Variants in CACNA1H observed in about 807,000 individuals in gnomAD.
CACNA1H encodes calcium voltage-gated channel subunit alpha1 H.
CACNA1H carries 149 observed loss-of-function variants against 192.5 expected under a neutral mutation model. The observed-to-expected ratio is 0.77, with a 90% CI of 0.68 to 0.89. The LOEUF (loss-of-function observed/expected upper bound fraction) is 0.89, where lower values mean the gene tolerates loss of function less well. CACNA1H is among the 40% of genes least tolerant of loss of function. The pLI is 0.00. For missense variants in CACNA1H, 4,257 were observed against 3,423.5 expected (o/e 1.24, Z -6.08); for synonymous variants, 2,202 against 1,475.2 (o/e 1.49, Z -11.29).
intron 2 of CACNA1H, among the ~76,000 whole-genome samples, chr16:1,171,246 C>T (rs751479489): frequency 5.9e-5 from 9 of 152,084 alleles, no homozygotes; most frequent in Admixed American, 1.3e-4. Context: ...GGAGGTCTCT[C>T]GGGCAGCCTG....
chr16:1,216,929 T>C lies in CACNA1H; in HGVS notation c.5245-3T>C. On this transcript the variant is annotated splice_polypyrimidine_tract_variant and splice_region_variant and intron_variant, in intron 30 of 34. Coordinates refer to ENST00000348261, the MANE Select transcript of CACNA1H (RefSeq NM_021098.3). The stretch of plus-strand genomic sequence containing the variant: ...GACCCAGCTCTGCTTCTCTCTTGTG[T>C]AGGTGGGGAACCTGGGCCTTCTTTT... 1 of 1,600,506 alleles carries C rather than the reference T, an allele frequency of 6.2e-7. No individual in the cohort carries two copies. The highest frequency in any genetic ancestry group is 8.5e-7 in the Non-Finnish European group (1 of 1,173,540).
In CACNA1H at chr16:1,200,266, C is replaced by G. The variant is rs1458393920; in HGVS notation, c.814C>G (p.Leu272Val). ...TGTGCCCATCCCCAGGAACAACAAC[C>G]TGACCTTCCTGCGGCCGTACTACCA... Reference protein sequence around the residue: ...LDSAFVRNNNLTFLRPYYQTE... With the variant: ...LDSAFVRNNNVTFLRPYYQTE... The change falls in exon 7 of 35, where the codon CTG becomes GTG. Residue 272 changes from leucine to valine, a missense_variant. Transcript: ENST00000348261. 3.8e-6 allele frequency: 6 copies of G among 1,599,792 alleles called. No homozygotes were observed. Among genetic ancestry groups the G allele is most frequent in the Non-Finnish European group, 5.1e-6 (6 of 1,172,928 alleles).
chr16:1,188,579 C>T (rs527475976), intron 2 of CACNA1H, among the ~76,000 whole-genome samples: 2 of 152,220 alleles, frequency 1.3e-5, no homozygotes, highest in East Asian at 1.9e-4. Flanking sequence ...GCCTTGCTGC[C>T]CCCCACACAA....
rs776120938 is a variant in CACNA1H at position 1,215,382 on chromosome 16, G to C, written c.5173+7G>C. On this transcript the variant is annotated splice_region_variant and intron_variant, in intron 29 of 34. Transcript: ENST00000348261. The stretch of plus-strand genomic sequence containing the variant: ...GTGCTTCGCATTGCCCGTGGTAGGT[G>C]CCCGCGTGCCCGCCAGGTTCTCTCT... The C allele has an allele frequency of 1.3e-6, 2 of 1,495,456 alleles. No individual in the cohort carries two copies. The highest frequency in any genetic ancestry group is 1.8e-5 in the Admixed American group (1 of 55,926). 92.6% of individuals were successfully genotyped at this position (1,495,456 alleles called of 1,614,324 possible). A position where few individuals can be genotyped will look rare whatever the true frequency, so the allele number is the denominator to read the frequency against.
chr16:1,178,899 C>T (rs1262872991), intron 2 of CACNA1H, among the ~76,000 whole-genome samples: 1 of 152,154 alleles, frequency 6.6e-6, no homozygotes, highest in African/African-American at 2.4e-5. Flanking sequence ...CAGGGTGGCC[C>T]CGCGCCCTTG....
intron 2 of CACNA1H, among the ~76,000 whole-genome samples, chr16:1,185,021 C>G (rs559926996): frequency 2.0e-5 from 3 of 152,166 alleles, no homozygotes; most frequent in Admixed American, 6.5e-5. Context: ...AGAAGGAAAC[C>G]GCATCCCCAT....
intron 2 of CACNA1H, among the ~76,000 whole-genome samples, chr16:1,190,405 G>T (rs868617707): frequency 1.5e-4 from 23 of 152,360 alleles, no homozygotes; most frequent in African/African-American, 5.0e-4. Flanking sequence ...GCCCACAGAA[G>T]TGTGACACAT....
chr16:1,215,615 C>T, intron 30 of CACNA1H, 22 bp downstream of exon 30: 2 of 1,600,580 alleles, frequency 1.2e-6, no homozygotes, highest in Non-Finnish European at 8.5e-7. Context: ...CCGCGCCATC[C>T]TCAGCGCAGG....
chr16:1,218,665 C>T lies in CACNA1H; in HGVS notation c.5887+14C>T. The T allele has an allele frequency of 6.6e-7, 1 of 1,517,768 alleles. No individual in the cohort carries two copies. The highest frequency in any genetic ancestry group is 8.9e-7 in the Non-Finnish European group (1 of 1,128,784). The allele number at this position is 1,517,768 out of a possible 1,614,324, so 94.0% of individuals were successfully genotyped here. On this transcript the variant is annotated intron_variant, in intron 33 of 34. Transcript: ENST00000348261. Reference sequence around the variant, plus strand: ...GCACCCCCTTGGGTATGGTAGCCAGCAGGAAGATATGGGCTGGGTGGGAAG... The same window carrying T: ...GCACCCCCTTGGGTATGGTAGCCAGTAGGAAGATATGGGCTGGGTGGGAAG...
At chr16:1,161,649 C>G (rs114526003) in intron 2 of CACNA1H, among the ~76,000 whole-genome samples, 1 of 152,206 alleles carries the variant, frequency 6.6e-6, no homozygotes, top group Non-Finnish European at 1.5e-5. Flanking sequence ...GGTCTGTCAT[C>G]TCGGTCACTG....
chr16:1,215,719 G>A (rs938951996), intron 30 of CACNA1H, 126 bp downstream of exon 30: 3 of 808,308 alleles, frequency 3.7e-6, no homozygotes, highest in African/African-American at 3.4e-5. Context: ...GGCTGAAGCT[G>A]CGTCCCTGCT....
At chr16:1,201,461 G>A (rs1457337732) in intron 8 of CACNA1H, among the ~76,000 whole-genome samples, 2 of 152,280 alleles carry the variant, frequency 1.3e-5, no homozygotes, top group South Asian at 2.1e-4. Flanking sequence ...GTCCAGATAG[G>A]CACAAAGCAG....
chr16:1,154,431 G>C (rs1032075338), intron 2 of CACNA1H, among the ~76,000 whole-genome samples: 32 of 152,238 alleles, frequency 2.1e-4, no homozygotes, highest in Non-Finnish European at 4.0e-4. Context: ...GGTCCTGCCC[G>C]AGGCAGGCCC....
intron 21 of CACNA1H, 39 bp from the exon 22 acceptor site, chr16:1,211,129 G>A (rs761680696): frequency 2.5e-6 from 4 of 1,603,676 alleles, no homozygotes; most frequent in Non-Finnish European, 3.4e-6. Flanking sequence ...GGCAGCTGCT[G>A]CCATAGATGA....
chr16:1,184,341 A>G (rs975590720), intron 2 of CACNA1H, among the ~76,000 whole-genome samples: 14 of 152,222 alleles, frequency 9.2e-5, no homozygotes, highest in African/African-American at 3.4e-4. Flanking sequence ...GAGGCCGGCA[A>G]GCGTGGGACC....
intron 2 of CACNA1H, among the ~76,000 whole-genome samples, chr16:1,189,857 G>C (rs540055871): frequency 2.0e-5 from 3 of 152,308 alleles, no homozygotes; most frequent in East Asian, 3.9e-4. Context: ...TCTCTGGGGG[G>C]TTTTCATCGT....
intron 27 of CACNA1H, 144 bp from the exon 28 acceptor site, chr16:1,214,828 C>T (rs371594430): frequency 1.9e-5 from 12 of 633,922 alleles, no homozygotes; most frequent in East Asian, 1.6e-4. Flanking sequence ...CGAAGAGGCT[C>T]CCGGTGCCCA....
intron 11 of CACNA1H, among the ~76,000 whole-genome samples, chr16:1,205,531 C>G (rs147505148): frequency 6.6e-6 from 1 of 152,204 alleles, no homozygotes; most frequent in Non-Finnish European, 1.5e-5. Context: ...TTTCTAGAAA[C>G]TAGCGGAGCT....
In CACNA1H at chr16:1,220,778, G is replaced by A. The variant is rs58394025; in HGVS notation, c.6846G>A (p.Leu2282=). ...DLGVPSGDPF[L]DGSHSVTPES... ...GGGTCCCCAGTGGAGACCCTTTCTT[G>A]GACGGTAGCCACAGTGTGACCCCAG... The change falls in exon 35 of 35, where the codon TTG becomes TTA. Residue 2282 remains leucine, a synonymous_variant. Transcript: ENST00000348261. 7 of 1,612,538 alleles carry A rather than the reference G, an allele frequency of 4.3e-6. No individual in the cohort carries two copies. In the Admixed American group the frequency reaches 8.3e-5, roughly 19 times the overall value.
Sources: gnomAD v4.1 joint callset for allele counts (sites outside exome capture counted in the v4.1 genomes callset) on GRCh38, gnomAD v4.1.1 for gene constraint, MANE v1.5 for transcripts, NCBI Gene and HGNC (gene_info 2026-07-23, HGNC 2026-07-21) for gene names.